Variants in PRSS50 observed in about 807,000 individuals in gnomAD.
PRSS50 encodes serine protease 50, also known as probable threonine protease PRSS50.
In PRSS50, 23 loss-of-function variants were observed where a neutral mutation model predicts 34.2. That is an observed-to-expected ratio of 0.67 (90% CI 0.48 to 0.95). PRSS50 has a LOEUF of 0.95. Ranked by LOEUF, PRSS50 falls within the 40% of genes least tolerant of loss-of-function variation. The probability of loss-of-function intolerance (pLI) is 0.00; values close to 1 mark genes in which losing one functional copy is unlikely to be tolerated. For synonymous variants in PRSS50, 224 were observed against 211.2 expected (o/e 1.06, Z -0.53); for missense variants, 484 against 513.4 (o/e 0.94, Z 0.55).
rs867459895 is a variant in PRSS50 at position 46,716,391 on chromosome 3, G to T, written c.308-694C>A. Among the ~76,000 whole-genome samples the T allele has an allele frequency of 3.9e-5, 6 of 152,228 alleles. No homozygotes were observed. Among genetic ancestry groups the T allele is most frequent in the Non-Finnish European group, 5.9e-5 (4 of 68,016 alleles). The stretch of plus-strand genomic sequence containing the variant: ...CCACCTCAGCCTCCTGAATAGCTGG[G>T]ACTACAGGCACACACAACCACACCC... On this transcript the variant is annotated intron_variant, in intron 2 of 5. Transcript: ENST00000315170. This position sits in a 1 kb window ranked among gnomAD's most constrained non-coding sequence, Gnocchi z 4.4.
Position 46,715,821 on chromosome 3 carries a change from T to A in PRSS50, c.308-124A>T. 9.5e-7 allele frequency: 1 copy of A among 1,047,496 alleles called. No individual in the cohort carries two copies. The highest frequency in any genetic ancestry group is 1.6e-5 in the South Asian group (1 of 61,456). The allele number at this position is 1,047,496 out of a possible 1,614,324, so 64.9% of individuals were successfully genotyped here. A position where few individuals can be genotyped will look rare whatever the true frequency, so the allele number is the denominator to read the frequency against. Reference sequence around the variant, plus strand: ...CATCCAGGGGTGCTCCCTTTTCACCTGTCACCATGGAATGATGCTGTCCAC... The same window carrying A: ...CATCCAGGGGTGCTCCCTTTTCACCAGTCACCATGGAATGATGCTGTCCAC... On this transcript the variant is annotated intron_variant, in intron 2 of 5. Coordinates refer to ENST00000315170, the MANE Select transcript of PRSS50 (RefSeq NM_013270.5). The surrounding 1 kb of genome is among the most constrained non-coding windows in gnomAD (Gnocchi z 5.2).
At position 46,714,506 on chromosome 3, in the gene PRSS50, G is replaced by A. The variant is rs747457686; in HGVS notation, c.471-5C>T. 2.9e-5 allele frequency: 45 copies of A among 1,572,606 alleles called. No individual in the cohort carries two copies. The highest frequency in any genetic ancestry group is 1.9e-4 in the Middle Eastern group (1 of 5,224). ...ACTGAGTAGATAACATCACGCCTAGGGGGGCCGTGAGGGGAGGCCATGATC... is the reference window on the plus strand; with the variant it reads ...ACTGAGTAGATAACATCACGCCTAGAGGGGCCGTGAGGGGAGGCCATGATC... On this transcript the variant is annotated splice_polypyrimidine_tract_variant and splice_region_variant and intron_variant, in intron 3 of 5. Transcript: ENST00000315170.
rs114933663 is a variant in PRSS50 at position 46,716,370 on chromosome 3, C to T, written c.308-673G>A. On this transcript the variant is annotated intron_variant, in intron 2 of 5. Transcript: ENST00000315170. This position sits in a 1 kb window ranked among gnomAD's most constrained non-coding sequence, Gnocchi z 4.4. ...TCCTAGGCTCAAATGATCTTCCCACCTCAGCCTCCTGAATAGCTGGGACTA... is the reference window on the plus strand; with the variant it reads ...TCCTAGGCTCAAATGATCTTCCCACTTCAGCCTCCTGAATAGCTGGGACTA... Among the ~76,000 whole-genome samples, 1,966 of 152,264 alleles carry T rather than the reference C, an allele frequency of 0.013. 38 individuals are homozygous for T. Among genetic ancestry groups the T allele is most frequent in the Non-Finnish European group, 0.013 (874 of 68,008 alleles).
Position 46,715,672 on chromosome 3 carries a change from G to T in PRSS50, c.333C>A (p.Asp111Glu). 2 of 1,607,380 alleles carry T rather than the reference G, an allele frequency of 1.2e-6. No homozygotes were observed. The highest frequency in any genetic ancestry group is 1.7e-6 in the Non-Finnish European group (2 of 1,176,702). Residue 111 changes from aspartate (D) to glutamate (E), a missense_variant, in exon 3 of 6, where the codon GAC (aspartate) becomes GAA (glutamate). By Grantham distance (45) the Asp-to-Glu change is conservative (BLOSUM62 2). Transcript: ENST00000315170. This position sits in a 1 kb window ranked among gnomAD's most constrained non-coding sequence, Gnocchi z 5.2. ...YRSCGFSYEQ[D>E]PTLRDPEAVA... Reference sequence around the variant, plus strand: ...CGGCTTCTGGGTCCCTGAGGGTGGGGTCCTGCTCGTAGGAAAAGCCACAGG... The same window carrying T: ...CGGCTTCTGGGTCCCTGAGGGTGGGTTCCTGCTCGTAGGAAAAGCCACAGG...
At position 46,717,649 on chromosome 3, in the gene PRSS50, G is replaced by A. The variant is rs201987581; in HGVS notation, c.107-12C>T. ...TGCGCCCCAGCAACCTGCGGAGGAC[G>A]TCGAGCGGATTAGAGGTGGAAGGCG... On this transcript the variant is annotated splice_polypyrimidine_tract_variant and intron_variant, in intron 1 of 5. Coordinates refer to ENST00000315170, the MANE Select transcript of PRSS50 (RefSeq NM_013270.5). The surrounding 1 kb of genome is among the most constrained non-coding windows in gnomAD (Gnocchi z 4.5). 1.7e-3 allele frequency: 2,812 copies of A among 1,611,152 alleles called. 26 individuals are homozygous for A. The highest frequency in any genetic ancestry group is 0.017 in the South Asian group (1,501 of 90,724).
Position 46,712,990 on chromosome 3 carries a change from G to A in PRSS50, c.832C>T (p.His278Tyr). ...LNNKECDNFY[H>Y]NFTKIPTLVQ... ...AGAGTGGGGATTTTGGTGAAGTTGT[G>A]GTAGAAATTGTCACACTCTTTGTTG... The change falls in exon 5 of 6, where the codon CAC becomes TAC. Residue 278 changes from histidine to tyrosine, a missense_variant. Transcript: ENST00000315170. 6.2e-7 allele frequency: 1 copy of A among 1,614,132 alleles called. No homozygotes were observed. The highest frequency in any genetic ancestry group is 1.3e-5 in the African/African-American group (1 of 75,004).
chr3:46,714,787 T>C (rs1305073597), intron 3 of PRSS50, among the ~76,000 whole-genome samples: 1 of 152,180 alleles, frequency 6.6e-6, no homozygotes, highest in East Asian at 1.9e-4. Flanking sequence ...GTGGAAGGGA[T>C]GCGGACCCAG....
Position 46,712,220 on chromosome 3 carries a change from C to T in PRSS50, c.*26G>A. The T allele has an allele frequency of 6.3e-7, 1 of 1,580,428 alleles. No individual in the cohort carries two copies. Among genetic ancestry groups the T allele is most frequent in the Non-Finnish European group, 8.6e-7 (1 of 1,158,736 alleles). On this transcript the variant is annotated 3_prime_UTR_variant, in exon 6 of 6. Transcript: ENST00000315170. ...ACCTGGGCACGGAGGCAAGGGGGGC[C>T]CACAAGTGAGGGAGGGCACACAGAG...
chr3:46,715,554 C>T lies in PRSS50; in HGVS notation c.451G>A (p.Val151Met), dbSNP rs547946437. ...ACTCACCAGATCAGGCAGTGGGCCA[C>T]AGTCAGCACCCACTGGGAGGCAATG... is the stretch of plus-strand genomic sequence containing the variant. ...TIIASQWVLTVAHCLIWRDVI... is the reference protein window; with the variant it reads ...TIIASQWVLTMAHCLIWRDVI... The change falls in exon 3 of 6, where the codon GTG (valine) becomes ATG (methionine). Residue 151 changes from valine (V) to methionine (M), a missense_variant. Val to Met is a conservative substitution (Grantham distance 21, BLOSUM62 1). Coordinates refer to ENST00000315170, the MANE Select transcript of PRSS50 (RefSeq NM_013270.5). This position sits in a 1 kb window ranked among gnomAD's most constrained non-coding sequence, Gnocchi z 5.2. The T allele has an allele frequency of 1.2e-6, 2 of 1,613,132 alleles. No homozygotes were observed. Among genetic ancestry groups the T allele is most frequent in the East Asian group, 2.2e-5 (1 of 44,856 alleles).
In PRSS50 at chr3:46,715,805, G is replaced by T. The variant is rs893707538; in HGVS notation, c.308-108C>A. ...GCCACTGGCCTGCACCCATCCAGGG[G>T]TGCTCCCTTTTCACCTGTCACCATG... is the stretch of plus-strand genomic sequence containing the variant. On this transcript the variant is annotated intron_variant, in intron 2 of 5. Transcript: ENST00000315170. The surrounding 1 kb of genome is among the most constrained non-coding windows in gnomAD (Gnocchi z 5.2). The T allele has an allele frequency of 1.1e-5, 14 of 1,252,764 alleles. No individual in the cohort carries two copies. The African/African-American group carries it at 1.7e-4, about 15-fold the overall frequency. 77.6% of individuals were successfully genotyped at this position (1,252,764 alleles called of 1,614,324 possible).
At chr3:46,714,682 G>T (rs965551627) in intron 3 of PRSS50, among the ~76,000 whole-genome samples, 181 bp from the exon 4 acceptor site, 1 of 152,140 alleles carries the variant, frequency 6.6e-6, no homozygotes. Context: ...CACTCACTGT[G>T]TGGTCCAGTC....
Position 46,715,254 on chromosome 3 carries a change from G to C in PRSS50, c.470+281C>G, listed in dbSNP as rs1199548577. ...GAAAGAACTAGGAGCTTCTTCCCGT[G>C]GAGAGGAGGCATGAGGCCAGACAAA... On this transcript the variant is annotated intron_variant, in intron 3 of 5. Coordinates refer to ENST00000315170, the MANE Select transcript of PRSS50 (RefSeq NM_013270.5). This position sits in a 1 kb window ranked among gnomAD's most constrained non-coding sequence, Gnocchi z 5.2. Among the ~76,000 whole-genome samples the C allele has an allele frequency of 6.6e-6, 1 of 152,248 alleles. No individual in the cohort carries two copies.
chr3:46,717,175 C>T lies in PRSS50; in HGVS notation c.307+262G>A, dbSNP rs1414635978. 1.3e-5 allele frequency among the ~76,000 whole-genome samples: 2 copies of T among 152,126 alleles called. No homozygotes were observed. The highest frequency in any genetic ancestry group is 2.4e-5 in the African/African-American group (1 of 41,418). ...CTCAGGCGAGGCGGGAACACACAGC[C>T]GGCCCCAGGCCCCTCTGACTTTCCT... On this transcript the variant is annotated intron_variant, in intron 2 of 5. Transcript: ENST00000315170. This position sits in a 1 kb window ranked among gnomAD's most constrained non-coding sequence, Gnocchi z 4.5.
At chr3:46,712,519 C>T (rs1700633755) in intron 5 of PRSS50, 37 bp from the exon 6 acceptor site, 1 of 1,595,074 alleles carries the variant, frequency 6.3e-7, no homozygotes, top group African/African-American at 1.3e-5. Flanking sequence ...GTCAGGGAGG[C>T]CAGGCAAGGC....
In PRSS50 at chr3:46,712,190, C is replaced by T. The variant is rs1381300098; in HGVS notation, c.*56G>A. The T allele has an allele frequency of 2.1e-6, 3 of 1,457,544 alleles. No homozygotes were observed. The highest frequency in any genetic ancestry group is 2.8e-6 in the Non-Finnish European group (3 of 1,061,950). The allele number at this position is 1,457,544 out of a possible 1,614,324, so 90.3% of individuals were successfully genotyped here. On this transcript the variant is annotated 3_prime_UTR_variant, in exon 6 of 6. Coordinates refer to ENST00000315170, the MANE Select transcript of PRSS50 (RefSeq NM_013270.5). The stretch of plus-strand genomic sequence containing the variant: ...CTCAGGGCTGTGACAGCTGCACCCA[C>T]AGCAACCTGGGCACGGAGGCAAGGG...
intron 5 of PRSS50, 46 bp downstream of exon 5, chr3:46,712,855 C>T: frequency 1.3e-6 from 2 of 1,573,276 alleles, no homozygotes; most frequent in Non-Finnish European, 1.7e-6. Context: ...AGATGCCTCT[C>T]CCCCAGGTGC....
Position 46,712,501 on chromosome 3 carries a change from G to T in PRSS50, c.922-19C>A. On this transcript the variant is annotated intron_variant, in intron 5 of 5. Transcript: ENST00000315170. ...TTAGCTCCTGTGGGAAGGGTTGGGG[G>T]AGTAAGGGTCAGGGAGGCCAGGCAA... 2 of 1,612,414 alleles carry T rather than the reference G, an allele frequency of 1.2e-6. No homozygotes were observed. Among genetic ancestry groups the T allele is most frequent in the Non-Finnish European group, 8.5e-7 (1 of 1,178,740 alleles).
At position 46,715,648 on chromosome 3, in the gene PRSS50, G is replaced by A. The variant is rs1461805878; in HGVS notation, c.357C>T (p.Ala119=). 5.6e-6 allele frequency: 9 copies of A among 1,611,744 alleles called. No homozygotes were observed. The highest frequency in any genetic ancestry group is 5.3e-5 in the African/African-American group (4 of 74,894). ...EQDPTLRDPE[A]VARRWPWMVS... is the part of the protein sequence containing the mutation. The stretch of plus-strand genomic sequence containing the variant: ...CCATCCAGGGCCACCGCCGAGCCAC[G>A]GCTTCTGGGTCCCTGAGGGTGGGGT... The change falls in exon 3 of 6, where the codon GCC becomes GCT. Residue 119 remains alanine (A), a synonymous_variant. Coordinates refer to ENST00000315170, the MANE Select transcript of PRSS50 (RefSeq NM_013270.5). This position sits in a 1 kb window ranked among gnomAD's most constrained non-coding sequence, Gnocchi z 5.2.
intron 4 of PRSS50, among the ~76,000 whole-genome samples, chr3:46,713,639 C>T (rs1011417802): frequency 2.0e-5 from 3 of 152,366 alleles, no homozygotes; most frequent in African/African-American, 7.2e-5. Flanking sequence ...CAGGGAAGGG[C>T]ATCTCTCTTA....
Sources: allele counts gnomAD v4.1 joint callset (sites outside exome capture counted in the v4.1 genomes callset), GRCh38; gene constraint gnomAD v4.1.1; non-coding constraint Gnocchi (gnomAD v3.1); transcripts MANE v1.5; gene names NCBI Gene and HGNC (gene_info 2026-07-23, HGNC 2026-07-21).